The following NCBP3 variants were observed in gnomAD, a reference collection of about 807,000 sequenced individuals.
The protein encoded by NCBP3 is nuclear cap-binding protein subunit 3.
NCBP3 carries 20 observed loss-of-function variants against 75.7 expected under a neutral mutation model. That is an observed-to-expected ratio of 0.26 (90% CI 0.19 to 0.38). NCBP3 has a LOEUF of 0.38. Among genes scored for constraint, NCBP3 ranks in the 10% least tolerant of loss-of-function variants. The pLI, the probability that NCBP3 is intolerant of heterozygous loss-of-function variation, is 1.00. For synonymous variants in NCBP3, 293 were observed against 290.5 expected (o/e 1.01, Z -0.09); for missense variants, 678 against 796.9 (o/e 0.85, Z 1.80).
intron 7 of NCBP3, chr17:3,822,878 C>G (rs138995481): frequency 6.6e-6 from 1 of 152,270 alleles, no homozygotes; most frequent in East Asian, 1.9e-4. Context: ...AGATGTGGAG[C>G]AGGTAAGATG....
chr17:3,839,134 T>C (rs752269662), intron 3 of NCBP3, among the ~76,000 whole-genome samples: 66 of 152,282 alleles, frequency 4.3e-4, no homozygotes, highest in East Asian at 2.5e-3. Flanking sequence ...TATTTATAAA[T>C]TGCTTTAGAA....
chr17:3,834,015 G>A (rs2053932286), intron 3 of NCBP3, among the ~76,000 whole-genome samples: 2 of 152,100 alleles, frequency 1.3e-5, no homozygotes, highest in African/African-American at 4.8e-5. Context: ...AACCGAGAAG[G>A]CCCTTGGACT....
Position 3,829,458 on chromosome 17 carries a change from C to A in NCBP3, c.356-90G>T, listed in dbSNP as rs1027873973. 3.6e-6 allele frequency: 5 copies of A among 1,383,184 alleles called. No individual in the cohort carries two copies. The African/African-American group carries it at 5.8e-5, about 16-fold the overall frequency. The allele number at this position is 1,383,184 out of a possible 1,614,324, so 85.7% of individuals were successfully genotyped here. A position where few individuals can be genotyped will look rare whatever the true frequency, so the allele number is the denominator to read the frequency against. On this transcript the variant is annotated intron_variant, in intron 3 of 12. Transcript: ENST00000389005. ...CACTCCTTCCTAATAGTTCAGACAA[C>A]ACGAGTTTAGAAAGAAACATGCTGA...
At chr17:3,835,687 G>A (rs926718662) in intron 3 of NCBP3, among the ~76,000 whole-genome samples, 3 of 152,254 alleles carry the variant, frequency 2.0e-5, no homozygotes, top group African/African-American at 7.2e-5. Context: ...CAAAAGACCA[G>A]TAGGAAGTTT....
chr17:3,833,996 A>C (rs992170811), intron 3 of NCBP3, among the ~76,000 whole-genome samples: 1 of 152,156 alleles, frequency 6.6e-6, no homozygotes, highest in Admixed American at 6.5e-5. Flanking sequence ...CATGGCTTTT[A>C]ATTCCAAGAA....
In NCBP3 at chr17:3,810,522, A is replaced by G. The variant is rs2053392904; in HGVS notation, c.*2522T>C. The stretch of plus-strand genomic sequence containing the variant: ...CACATGTGTGGGGAGTGTCCAGGGT[A>G]AAATCACGCCCAGCTGCCTGCCACG... On this transcript the variant is annotated 3_prime_UTR_variant, in exon 13 of 13. Coordinates refer to ENST00000389005, the MANE Select transcript of NCBP3 (RefSeq NM_001114118.3). The G allele has an allele frequency of 6.6e-6, 1 of 152,254 alleles. No homozygotes were observed. Among genetic ancestry groups the G allele is most frequent in the Non-Finnish European group, 1.5e-5 (1 of 68,084 alleles). 9.4% of individuals were successfully genotyped at this position (152,254 alleles called of 1,614,324 possible).
intron 6 of NCBP3, among the ~76,000 whole-genome samples, chr17:3,825,407 T>C (rs1203987667): frequency 1.3e-5 from 2 of 152,228 alleles, no homozygotes; most frequent in African/African-American, 4.8e-5. Context: ...TGGTATATAA[T>C]AGGTACTCAG....
intron 4 of NCBP3, among the ~76,000 whole-genome samples, chr17:3,827,020 A>G (rs2053800279): frequency 6.9e-6 from 1 of 144,898 alleles, no homozygotes; most frequent in South Asian, 2.2e-4. Flanking sequence ...AAGAAAAAAC[A>G]AAAGGAATGG....
Position 3,816,244 on chromosome 17 carries a change from G to C in NCBP3, c.1337C>G (p.Ser446Cys). The part of the protein sequence containing the change: ...IRNSMRADSV[S>C]SSNIKNRIGN... ...AATTCGGTTTTTGATATTGCTTGAA[G>C]ATACACTATCTGCCCTCATGGAGTT... Residue 446 changes from serine to cysteine, a missense_variant, in exon 11 of 13, where the codon TCT (serine) becomes TGT (cysteine). By Grantham distance (112) the Ser-to-Cys change is moderately radical. Transcript: ENST00000389005. The C allele has an allele frequency of 6.2e-7, 1 of 1,614,166 alleles. No individual in the cohort carries two copies. The highest frequency in any genetic ancestry group is 8.5e-7 in the Non-Finnish European group (1 of 1,180,032).
Position 3,814,340 on chromosome 17 carries a change from T to C in NCBP3, c.1609A>G (p.Thr537Ala). Residue 537 changes from threonine (T) to alanine (A), a missense_variant, in exon 12 of 13, where the codon ACT becomes GCT. Physicochemically the swap from Thr to Ala is moderately conservative, Grantham distance 58. Around this residue, in one of 7 missense-constraint regions of NCBP3, gnomAD observed 365 missense variants for 392.7 expected, o/e 0.93. Transcript: ENST00000389005. ...RQDSKGLYAD[T>A]REKKSGNLWT... ...TACCAACCTGATTTCTTCTCCCGAGTATCGGCGTAGAGGCCTTTACTATCC... is the reference window on the plus strand; with the variant it reads ...TACCAACCTGATTTCTTCTCCCGAGCATCGGCGTAGAGGCCTTTACTATCC... 1 of 1,614,078 alleles carries C rather than the reference T, an allele frequency of 6.2e-7. No individual in the cohort carries two copies. The highest frequency in any genetic ancestry group is 1.1e-5 in the South Asian group (1 of 91,070).
chr17:3,845,540 A>G (rs1372883387), intron 1 of NCBP3, among the ~76,000 whole-genome samples: 2 of 152,154 alleles, frequency 1.3e-5, no homozygotes, highest in African/African-American at 4.8e-5. Flanking sequence ...CACGACAGAA[A>G]CAGTGAGTTT....
intron 10 of NCBP3, among the ~76,000 whole-genome samples, chr17:3,817,718 T>A (rs1352195436): frequency 6.6e-6 from 1 of 152,204 alleles, no homozygotes; most frequent in Non-Finnish European, 1.5e-5. Context: ...TTTTGTGTAA[T>A]AACTGGACTT....
chr17:3,828,093 AT>A (rs1222800937), intron 4 of NCBP3, among the ~76,000 whole-genome samples: 1 of 152,064 alleles, frequency 6.6e-6, no homozygotes, highest in African/African-American at 2.4e-5. Flanking sequence ...TAATTTTTGT[AT>A]TTTTAGTAGA....
At position 3,802,936 on chromosome 17, in the gene NCBP3, G is replaced by A. The variant is rs911291658; in HGVS notation, c.*10108C>T. The A allele has an allele frequency of 9.2e-5, 14 of 152,366 alleles. No individual in the cohort carries two copies. The highest frequency in any genetic ancestry group is 6.2e-4 in the South Asian group (3 of 4,832). The allele number at this position is 152,366 out of a possible 1,614,324, so 9.4% of individuals were successfully genotyped here. On this transcript the variant is annotated 3_prime_UTR_variant, in exon 13 of 13. Coordinates refer to ENST00000389005, the MANE Select transcript of NCBP3 (RefSeq NM_001114118.3). ...GTACCTCTGCACACTTCTAGAATGCGGACTCATCCTGCATCCATCCAGTAT... is the reference window on the plus strand; with the variant it reads ...GTACCTCTGCACACTTCTAGAATGCAGACTCATCCTGCATCCATCCAGTAT...
chr17:3,829,442 C>T (rs2053840915), intron 3 of NCBP3, 74 bp from the exon 4 acceptor site: 3 of 1,484,342 alleles, frequency 2.0e-6, no homozygotes, highest in Non-Finnish European at 1.8e-6. Flanking sequence ...ACACTCCTTC[C>T]TAATAGTTCA....
intron 2 of NCBP3, among the ~76,000 whole-genome samples, chr17:3,842,332 G>A (rs1347099002): frequency 1.3e-5 from 2 of 152,138 alleles, no homozygotes; most frequent in African/African-American, 4.8e-5. Context: ...GGCTGAGGCA[G>A]AAGAATCGCT....
At chr17:3,832,909 G>C (rs2053909777) in intron 3 of NCBP3, among the ~76,000 whole-genome samples, 1 of 152,130 alleles carries the variant, frequency 6.6e-6, no homozygotes, top group Non-Finnish European at 1.5e-5. Context: ...ATTCAGTTGA[G>C]TGCTTTCCTG....
chr17:3,825,063 G>A lies in NCBP3; in HGVS notation c.688-13C>T. 7.2e-7 allele frequency: 1 copy of A among 1,394,554 alleles called. No homozygotes were observed. The highest frequency in any genetic ancestry group is 9.7e-7 in the Non-Finnish European group (1 of 1,026,342). 86.4% of individuals were successfully genotyped at this position (1,394,554 alleles called of 1,614,324 possible). ...ACAACGTATCCAACTTAAGAAAGAA[G>A]AGTATTTTTAATATAAAAATTAAAG... is the stretch of plus-strand genomic sequence containing the variant. On this transcript the variant is annotated splice_polypyrimidine_tract_variant and intron_variant, in intron 6 of 12. Transcript: ENST00000389005.
Position 3,832,505 on chromosome 17 carries a change from C to CAT in NCBP3, c.356-3138_356-3137insAT, listed in dbSNP as rs1260004067. On this transcript the variant is annotated intron_variant, in intron 3 of 12. Transcript: ENST00000389005. ...AATTAGCCAGGTGTGGTGGCAGGCACCTGTAGTCCCAGCTACTCGGGAGGC... is the reference window on the plus strand; with the variant it reads ...AATTAGCCAGGTGTGGTGGCAGGCACATCTGTAGTCCCAGCTACTCGGGAGGC... Among the ~76,000 whole-genome samples the CAT allele has an allele frequency of 2.5e-5, 3 of 121,646 alleles. 1 individual carries two copies. Among genetic ancestry groups the CAT allele is most frequent in the East Asian group, 6.5e-4 (2 of 3,084 alleles). 79.8% of individuals were successfully genotyped at this position (121,646 alleles called of 152,430 possible).
Sources: allele counts gnomAD v4.1 joint callset (sites outside exome capture counted in the v4.1 genomes callset), GRCh38; gene constraint gnomAD v4.1.1; regional missense constraint gnomAD v4.1.1; transcripts MANE v1.5; gene names NCBI Gene and HGNC (gene_info 2026-07-23, HGNC 2026-07-21).